Variants in PPP1R9A observed in about 807,000 individuals in gnomAD.
PPP1R9A encodes the protein neurabin-1.
PPP1R9A carries 59 observed loss-of-function variants against 141.9 expected under a neutral mutation model. The ratio of observed to expected loss-of-function variants is 0.42; its 90% confidence interval spans 0.34 to 0.52. The LOEUF (loss-of-function observed/expected upper bound fraction) is 0.52. Among genes scored for constraint, PPP1R9A ranks in the 20% least tolerant of loss-of-function variants. PPP1R9A has a pLI of 0.10. For synonymous variants in PPP1R9A, 500 were observed against 569.7 expected (o/e 0.88, Z 1.74); for missense variants, 1,444 against 1,611.9 (o/e 0.90, Z 1.78).
At chr7:94,998,518 G>A (rs1201026101) in intron 2 of PPP1R9A, among the ~76,000 whole-genome samples, 1 of 151,938 alleles carries the variant, frequency 6.6e-6, no homozygotes, top group Non-Finnish European at 1.5e-5. Flanking sequence ...TTTTTAAAAG[G>A]TCTCTTTGAT....
chr7:94,931,797 C>T (rs1056473049), intron 2 of PPP1R9A, among the ~76,000 whole-genome samples: 7 of 152,256 alleles, frequency 4.6e-5, no homozygotes, highest in Admixed American at 2.0e-4. Flanking sequence ...AGGCTGGTCT[C>T]GAACTGCCGA....
intron 2 of PPP1R9A, chr7:95,037,126 G>A (rs1808537526): frequency 6.6e-6 from 1 of 152,102 alleles, no homozygotes; most frequent in Non-Finnish European, 1.5e-5. Context: ...AAAAAAAAGA[G>A]GGGGAGGGAG....
intron 5 of PPP1R9A, among the ~76,000 whole-genome samples, chr7:95,196,623 TA>T (rs953288805): frequency 6.6e-6 from 1 of 152,084 alleles, no homozygotes; most frequent in African/African-American, 2.4e-5. Context: ...TATTTAGTGA[TA>T]AAAAAGAGCA....
chr7:95,064,514 G>C (rs1426991460), intron 2 of PPP1R9A, among the ~76,000 whole-genome samples: 3 of 152,154 alleles, frequency 2.0e-5, no homozygotes, highest in Non-Finnish European at 4.4e-5. Context: ...GGCACTAAGT[G>C]GAGTGAAGAA....
chr7:95,203,423 A>G (rs1285606748), intron 6 of PPP1R9A, among the ~76,000 whole-genome samples: 2 of 152,190 alleles, frequency 1.3e-5, no homozygotes, highest in Non-Finnish European at 2.9e-5. Flanking sequence ...AGAGAATGCA[A>G]TTATTATGGT....
At chr7:95,165,836 G>A (rs977334729) in intron 5 of PPP1R9A, among the ~76,000 whole-genome samples, 24 of 152,072 alleles carry the variant, frequency 1.6e-4, no homozygotes, top group Non-Finnish European at 1.8e-4. Flanking sequence ...AGGGCTTAAA[G>A]AAGAAAACTA....
intron 5 of PPP1R9A, among the ~76,000 whole-genome samples, chr7:95,185,219 G>T (rs1000223747): frequency 6.6e-6 from 1 of 151,534 alleles, no homozygotes; most frequent in African/African-American, 2.4e-5. Flanking sequence ...TTTAATTATG[G>T]CCATTCTTTC....
intron 5 of PPP1R9A, chr7:95,175,023 G>T (rs1390843206): frequency 6.6e-6 from 1 of 152,078 alleles, no homozygotes; most frequent in East Asian, 1.9e-4. Flanking sequence ...ATGAAAACTG[G>T]CTTCTCCAAA....
At chr7:94,977,636 A>G (rs1482947231) in intron 2 of PPP1R9A, among the ~76,000 whole-genome samples, 1 of 152,132 alleles carries the variant, frequency 6.6e-6, no homozygotes, top group Non-Finnish European at 1.5e-5. Context: ...TCTGTAGACA[A>G]TTGACAATGA....
rs78157505 is a variant in PPP1R9A at position 95,191,036 on chromosome 7, T to C, written c.1755-7313T>C. 9.6e-3 allele frequency among the ~76,000 whole-genome samples: 1,465 copies of C among 152,358 alleles called. 22 individuals carry two copies. Among genetic ancestry groups the C allele is most frequent in the African/African-American group, 0.033 (1,355 of 41,574 alleles). ...TAAGGAATTCATAAATTATCATTTT[T>C]ATAACCTCTCGTCATTTACATGGAA... On this transcript the variant is annotated intron_variant, in intron 5 of 19. Coordinates refer to ENST00000433360, the MANE Select transcript of PPP1R9A (RefSeq NM_001166160.2).
chr7:95,082,311 A>T (rs976325168), intron 2 of PPP1R9A, among the ~76,000 whole-genome samples: 3 of 152,234 alleles, frequency 2.0e-5, no homozygotes, highest in African/African-American at 7.2e-5. Flanking sequence ...GAAGACTTAC[A>T]TGCATGTGTA....
chr7:95,284,076 T>C lies in PPP1R9A; in HGVS notation c.3355T>C (p.Ser1119Pro). Reference sequence around the variant, plus strand: ...CAAGCCATGTTCAACAGCTCAGACCTCCACTCGTTCCCCTTGCATGCCTTT... The same window carrying C: ...CAAGCCATGTTCAACAGCTCAGACCCCCACTCGTTCCCCTTGCATGCCTTT... The part of the protein sequence containing the change: ...TPKPCSTAQT[S>P]TRSPCMPFSW... Residue 1119 changes from serine to proline, a missense_variant, in exon 17 of 20, where the codon TCC becomes CCC. Ser to Pro is a moderately conservative substitution (Grantham distance 74). Transcript: ENST00000433360. The C allele has an allele frequency of 6.3e-7, 1 of 1,597,470 alleles. No homozygotes were observed. The highest frequency in any genetic ancestry group is 8.5e-7 in the Non-Finnish European group (1 of 1,178,012).
intron 5 of PPP1R9A, among the ~76,000 whole-genome samples, chr7:95,186,545 AG>A (rs1255185384): frequency 6.6e-6 from 1 of 152,138 alleles, no homozygotes; most frequent in Admixed American, 6.5e-5. Context: ...AGAACTTTTC[AG>A]TACTATGTTG....
chr7:95,169,230 T>C (rs537992726), intron 5 of PPP1R9A, among the ~76,000 whole-genome samples: 1 of 152,130 alleles, frequency 6.6e-6, no homozygotes, highest in Non-Finnish European at 1.5e-5. Context: ...TCATGTCATT[T>C]GTAGCAACGT....
chr7:94,994,776 C>T (rs1441685541), intron 2 of PPP1R9A, among the ~76,000 whole-genome samples: 6 of 151,812 alleles, frequency 4.0e-5, no homozygotes, highest in Non-Finnish European at 5.9e-5. Flanking sequence ...CACCTGTAGT[C>T]CCAGCTACTT....
intron 5 of PPP1R9A, among the ~76,000 whole-genome samples, chr7:95,180,805 T>G (rs1833628077): frequency 6.6e-6 from 1 of 150,406 alleles, no homozygotes; most frequent in African/African-American, 2.5e-5. Context: ...GAAATGCAAA[T>G]CAAAACCACA....
chr7:94,941,778 T>A (rs1211749659), intron 2 of PPP1R9A, among the ~76,000 whole-genome samples: 1 of 152,130 alleles, frequency 6.6e-6, no homozygotes, highest in Non-Finnish European at 1.5e-5. Context: ...TTACAAATGA[T>A]CTTTTATGAT....
intron 5 of PPP1R9A, among the ~76,000 whole-genome samples, chr7:95,181,603 T>G (rs1266511367): frequency 7.1e-6 from 1 of 140,002 alleles, no homozygotes; most frequent in Admixed American, 7.6e-5. Flanking sequence ...AATATATATA[T>G]TCTGTCACAC....
intron 2 of PPP1R9A, among the ~76,000 whole-genome samples, chr7:95,073,048 C>T (rs973632227): frequency 1.4e-5 from 2 of 145,776 alleles, no homozygotes; most frequent in Non-Finnish European, 3.0e-5. Context: ...TGCACTGGTG[C>T]AATCTTGGCT....
Sources: gnomAD v4.1 joint callset for allele counts (sites outside exome capture counted in the v4.1 genomes callset) on GRCh38, gnomAD v4.1.1 for gene constraint, MANE v1.5 for transcripts, NCBI Gene and HGNC (gene_info 2026-07-23, HGNC 2026-07-21) for gene names.